MELK: variants seen among roughly 807,000 people sequenced by gnomAD.
MELK encodes pEg3 kinase.
MELK carries 81 observed loss-of-function variants against 85.0 expected under a neutral mutation model. The ratio of observed to expected loss-of-function variants is 0.95; its 90% CI spans 0.80 to 1.15. The LOEUF (loss-of-function observed/expected upper bound fraction) is 1.15, where lower values mean the gene tolerates loss of function less well. Among genes scored for constraint, MELK ranks in the 50% most tolerant of loss-of-function variants. The pLI is 0.00. For missense variants in MELK, 754 were observed against 777.5 expected, an observed-to-expected ratio of 0.97 and a Z score of 0.36; for synonymous variants, 252 against 265.0, an observed-to-expected ratio of 0.95 and a Z score of 0.48.
chr9:36,604,718 A>G (rs1825305277), intron 7 of MELK, among the ~76,000 whole-genome samples: 1 of 151,246 alleles, frequency 6.6e-6, no homozygotes, highest in Non-Finnish European at 1.5e-5. Flanking sequence ...ATCTTGGCTC[A>G]CTGCAACCTC....
At chr9:36,606,568 TATA>T (rs945142483) in intron 7 of MELK, among the ~76,000 whole-genome samples, 1 of 146,210 alleles carries the variant, frequency 6.8e-6, no homozygotes, top group Non-Finnish European at 1.5e-5. Context: ...GTATATAATA[TATA>T]ATATATACAT....
chr9:36,614,979 G>A lies in MELK; in HGVS notation c.666+7306G>A, dbSNP rs1321756999. ...ACACCTCCCAGACGGGGTGGTGGCC[G>A]GGCAGAGGGGCTCCTCACTTCCCAG... On this transcript the variant is annotated intron_variant, in intron 8 of 17. Transcript: ENST00000298048. 1.4e-3 allele frequency among the ~76,000 whole-genome samples: 198 copies of A among 146,638 alleles called. 3 individuals are homozygous for A. The highest frequency in any genetic ancestry group is 4.7e-3 in the African/African-American group (183 of 38,912).
chr9:36,670,100 A>C (rs73645816), intron 15 of MELK, among the ~76,000 whole-genome samples: 2,915 of 152,262 alleles, frequency 0.019, 83 homozygotes, highest in African/African-American at 0.063. Context: ...CTAACACCAC[A>C]GTAGTTTCTA....
intron 4 of MELK, among the ~76,000 whole-genome samples, chr9:36,591,248 T>G (rs911008326): frequency 6.6e-6 from 1 of 152,172 alleles, no homozygotes; most frequent in African/African-American, 2.4e-5. Flanking sequence ...TTAAAACCTC[T>G]TTATATTTTT....
chr9:36,605,489 G>C (rs1318290221), intron 7 of MELK, among the ~76,000 whole-genome samples: 1 of 152,108 alleles, frequency 6.6e-6, no homozygotes, highest in Non-Finnish European at 1.5e-5. Context: ...TGGGATTATA[G>C]GTGTGAGCCA....
intron 11 of MELK, among the ~76,000 whole-genome samples, chr9:36,650,260 T>TA (rs74181199): frequency 0.75 from 112,897 of 150,392 alleles, 44,377 homozygotes; most frequent in East Asian, 0.89. Flanking sequence ...TATTAAAAAT[T>TA]AAAAAAAAAA....
chr9:36,653,347 T>C (rs1400142524), intron 12 of MELK, among the ~76,000 whole-genome samples: 3 of 152,112 alleles, frequency 2.0e-5, no homozygotes, highest in Non-Finnish European at 4.4e-5. Context: ...AGTCCAGCTA[T>C]GTTGCCCAGG....
At chr9:36,673,057 G>A (rs575741147) in intron 16 of MELK, among the ~76,000 whole-genome samples, 1 of 152,222 alleles carries the variant, frequency 6.6e-6, no homozygotes, top group Non-Finnish European at 1.5e-5. Flanking sequence ...AGTTTTTTAA[G>A]ATAGCAAATC....
chr9:36,633,344 A>G (rs1828831046), intron 10 of MELK, 144 bp downstream of exon 10: 1 of 592,798 alleles, frequency 1.7e-6, no homozygotes, highest in Non-Finnish European at 2.9e-6. Context: ...CCTAATGGAC[A>G]GTGGTTCCTT....
chr9:36,580,662 C>T (rs536482608), intron 1 of MELK, among the ~76,000 whole-genome samples: 1 of 151,410 alleles, frequency 6.6e-6, no homozygotes, highest in South Asian at 2.1e-4. Flanking sequence ...GGTAGCCTCC[C>T]GAGCCAGAGT....
chr9:36,631,475 AG>A (rs779144658), intron 9 of MELK, among the ~76,000 whole-genome samples: 2 of 151,976 alleles, frequency 1.3e-5, no homozygotes, highest in Non-Finnish European at 2.9e-5. Context: ...CATGTTGTCC[AG>A]GCTGGTCTTG....
chr9:36,659,887 C>T (rs1831622193), intron 13 of MELK, among the ~76,000 whole-genome samples: 1 of 152,176 alleles, frequency 6.6e-6, no homozygotes, highest in South Asian at 2.1e-4. Flanking sequence ...GCGATTTTCG[C>T]CTCCTGGGTT....
intron 2 of MELK, among the ~76,000 whole-genome samples, chr9:36,582,170 G>A (rs11792820): frequency 0.13 from 20,250 of 151,916 alleles, 1,542 homozygotes; most frequent in Middle Eastern, 0.16. Context: ...GGGTTTCACC[G>A]TGTTAATCAG....
chr9:36,589,311 G>C (rs1175194562), intron 3 of MELK, among the ~76,000 whole-genome samples: 1 of 152,034 alleles, frequency 6.6e-6, no homozygotes, highest in Admixed American at 6.6e-5. Flanking sequence ...ACCACGCCCG[G>C]CTAATTTTTT....
chr9:36,661,739 A>G (rs1219735218), intron 13 of MELK, among the ~76,000 whole-genome samples: 2 of 152,146 alleles, frequency 1.3e-5, no homozygotes, highest in Admixed American at 6.5e-5. Context: ...GATTGAGACC[A>G]TCCTGGCTAA....
chr9:36,589,920 GTTTTT>G (rs566073692), intron 4 of MELK, among the ~76,000 whole-genome samples: 1 of 125,812 alleles, frequency 7.9e-6, no homozygotes, highest in Non-Finnish European at 1.6e-5. Flanking sequence ...ACTCATTCTA[GTTTTT>G]TTTTTTTTTT....
At chr9:36,578,729 C>T (rs1821895466) in intron 1 of MELK, among the ~76,000 whole-genome samples, 1 of 152,162 alleles carries the variant, frequency 6.6e-6, no homozygotes. Context: ...TGATTACTGG[C>T]AGGGCTGATT....
At chr9:36,616,831 T>G (rs907333199) in intron 8 of MELK, among the ~76,000 whole-genome samples, 2 of 149,538 alleles carry the variant, frequency 1.3e-5, no homozygotes, top group African/African-American at 5.1e-5. Flanking sequence ...CAGTTTTTTT[T>G]TTTTTTTTTT....
intron 12 of MELK, 70 bp downstream of exon 12, chr9:36,651,947 G>C: frequency 7.4e-7 from 1 of 1,356,324 alleles, no homozygotes; most frequent in East Asian, 2.8e-5. Context: ...CCACTGGGAA[G>C]GTAAACTTTC....
Sources: allele counts gnomAD v4.1 joint callset (sites outside exome capture counted in the v4.1 genomes callset), GRCh38; gene constraint gnomAD v4.1.1; transcripts MANE v1.5; gene names NCBI Gene and HGNC (gene_info 2026-07-23, HGNC 2026-07-21).